ATP23: variants seen among roughly 807,000 people sequenced by gnomAD.
ATP23 encodes the protein mitochondrial inner membrane protease ATP23 homolog.
Under a neutral mutation model 28.5 loss-of-function variants are expected in ATP23, and 24 were observed. That is an observed-to-expected ratio of 0.84 (90% CI 0.61 to 1.18). The LOEUF is 1.18. ATP23 is among the 50% of genes most tolerant of loss of function. The pLI, the probability that ATP23 is intolerant of heterozygous loss-of-function variation, is 0.00. For missense variants in ATP23, 274 were observed against 306.4 expected (o/e 0.89, Z 0.79); for synonymous variants, 99 against 108.6 (o/e 0.91, Z 0.55).
rs920823355 is a variant in ATP23, at chr12:57,957,618, C to G, written c.*728C>G. On this transcript the variant is annotated 3_prime_UTR_variant, in exon 6 of 6. Transcript: ENST00000300145. ...CCCTCCTCTCCCACACACACCCCCCCACTGGAGAAACTGAAGGTCTGTTTG... is the reference window on the plus strand; with the variant it reads ...CCCTCCTCTCCCACACACACCCCCCGACTGGAGAAACTGAAGGTCTGTTTG... Among the ~76,000 whole-genome samples the G allele has an allele frequency of 2.6e-5, 4 of 152,304 alleles. No homozygotes were observed. The South Asian group carries it at 6.2e-4, about 24-fold the overall frequency.
intron 3 of ATP23, among the ~76,000 whole-genome samples, chr12:57,947,861 T>C (rs1956777353): frequency 6.6e-6 from 1 of 152,228 alleles, no homozygotes; most frequent in South Asian, 2.1e-4. Context: ...TAAATGATGG[T>C]GTTATAAGTA....
chr12:57,954,331 AC>A (rs1310912494), intron 5 of ATP23, among the ~76,000 whole-genome samples: 2 of 152,154 alleles, frequency 1.3e-5, no homozygotes, highest in African/African-American at 4.8e-5. Flanking sequence ...TTTTGAATCT[AC>A]CATAGCATTC....
In ATP23 at chr12:57,957,735, A is replaced by T. The variant is rs1956882528; in HGVS notation, c.*845A>T. ...GAGCAAGCAGCAGGAAGGCCCAGGG[A>T]GCTCGCTGGGTCCCCAAGCAGCCCA... is the stretch of plus-strand genomic sequence containing the variant. On this transcript the variant is annotated 3_prime_UTR_variant, in exon 6 of 6. Coordinates refer to ENST00000300145, the MANE Select transcript of ATP23 (RefSeq NM_033276.4). Among the ~76,000 whole-genome samples, 1 of 152,208 alleles carries T rather than the reference A, an allele frequency of 6.6e-6. No homozygotes were observed. Among genetic ancestry groups the T allele is most frequent in the African/African-American group, 2.4e-5 (1 of 41,446 alleles).
At position 57,941,833 on chromosome 12, in the gene ATP23, C is replaced by T; in HGVS notation, c.132C>T (p.Ser44=). 1 of 1,612,980 alleles carries T rather than the reference C, an allele frequency of 6.2e-7. No homozygotes were observed. Among genetic ancestry groups the T allele is most frequent in the African/African-American group, 1.3e-5 (1 of 74,938 alleles). ...ATCCCCAGCAAGGGTTCTTCTCCAG[C>T]TTCTTCACCAGCAACCAGAAGTGCC... ...QGNPQQGFFS[S]FFTSNQKCQL... The change falls in exon 1 of 6, where the codon AGC becomes AGT. Residue 44 remains serine (S), a synonymous_variant. Coordinates refer to ENST00000300145, the MANE Select transcript of ATP23 (RefSeq NM_033276.4).
In ATP23 at chr12:57,953,678, C is replaced by T. The variant is rs1278122727; in HGVS notation, c.526C>T (p.Gln176Ter). ...EIFRLHFGLKQHHQTCVRDRA... is the reference protein window; with the variant it reads ...EIFRLHFGLK ...ATTCAGGTTACATTTTGGATTAAAA[C>T]AACACCACCAGGTAAAAACTAATAT... The change falls in exon 5 of 6, where the codon CAA becomes TAA. Residue 176 changes from glutamine (Q) to a stop codon, truncating the protein, a stop_gained. Transcript: ENST00000300145. LOFTEE classifies it high-confidence loss of function. The T allele has an allele frequency of 4.3e-6, 7 of 1,613,828 alleles. No homozygotes were observed. The highest frequency in any genetic ancestry group is 1.7e-5 in the Admixed American group (1 of 60,014).
chr12:57,945,941 G>T (rs944634265), intron 2 of ATP23, among the ~76,000 whole-genome samples: 3 of 150,300 alleles, frequency 2.0e-5, no homozygotes, highest in Admixed American at 2.0e-4. Context: ...TCTCGGCTCA[G>T]TGCAACCTCC....
At chr12:57,948,217 C>G (rs1221415573) in intron 3 of ATP23, among the ~76,000 whole-genome samples, 1 of 152,148 alleles carries the variant, frequency 6.6e-6, no homozygotes, top group African/African-American at 2.4e-5. Flanking sequence ...CTTGAACTTT[C>G]ATCCTAATTC....
At chr12:57,944,259 A>T (rs2140527202) in intron 1 of ATP23, among the ~76,000 whole-genome samples, 1 of 152,250 alleles carries the variant, frequency 6.6e-6, no homozygotes, top group Middle Eastern at 3.4e-3. Context: ...AGTAACCTAT[A>T]CCTGACTTTC....
intron 1 of ATP23, among the ~76,000 whole-genome samples, chr12:57,944,245 A>C (rs1217802620): frequency 6.6e-6 from 1 of 152,092 alleles, no homozygotes; most frequent in Admixed American, 6.6e-5. Flanking sequence ...CAGGTTGGTA[A>C]AGCAGTAACC....
rs562208011 is a variant in ATP23, at chr12:57,942,373, C to G, written c.187+485C>G. ...AATGGGCTTCAGAGCGTAGAAATCC[C>G]TGAAATGGTCTGTGAAATCGTGTGT... On this transcript the variant is annotated intron_variant, in intron 1 of 5. Transcript: ENST00000300145. Among the ~76,000 whole-genome samples, 64 of 151,706 alleles carry G rather than the reference C, an allele frequency of 4.2e-4. 1 individual carries two copies. Among genetic ancestry groups the G allele is most frequent in the African/African-American group, 1.5e-3 (63 of 41,356 alleles).
chr12:57,945,706 G>A (rs765757016), intron 2 of ATP23, 33 bp downstream of exon 2: 17 of 1,608,566 alleles, frequency 1.1e-5, no homozygotes, highest in African/African-American at 6.7e-5. Context: ...CTGCTCTGAG[G>A]TCTGGCTGCT....
rs763603491 is a variant in ATP23 at position 57,957,615 on chromosome 12, C to T, written c.*725C>T. Among the ~76,000 whole-genome samples the T allele has an allele frequency of 3.9e-5, 6 of 152,154 alleles. No individual in the cohort carries two copies. The highest frequency in any genetic ancestry group is 5.9e-5 in the Non-Finnish European group (4 of 68,024). On this transcript the variant is annotated 3_prime_UTR_variant, in exon 6 of 6. Transcript: ENST00000300145. ...AGACCCTCCTCTCCCACACACACCC[C>T]CCCACTGGAGAAACTGAAGGTCTGT...
rs186401512 is a variant in ATP23 at position 57,956,778 on chromosome 12, A to T, written c.629A>T (p.Glu210Val). Reference protein sequence around the residue: ...VAKKAVDEVFESCFNDHEPFG... With the variant: ...VAKKAVDEVFVSCFNDHEPFG... ...AAAAAGGCTGTTGATGAAGTTTTTG[A>T]ATCTTGTTTCAATGACCATGAACCT... The change falls in exon 6 of 6, where the codon GAA becomes GTA. Residue 210 changes from glutamate to valine, a missense_variant. Physicochemically the swap from Glu to Val is moderately radical, Grantham distance 121. Coordinates refer to ENST00000300145, the MANE Select transcript of ATP23 (RefSeq NM_033276.4). The T allele has an allele frequency of 1.7e-5, 28 of 1,614,004 alleles. No homozygotes were observed. The East Asian group carries it at 4.0e-4, about 23-fold the overall frequency.
intron 5 of ATP23, 59 bp from the exon 6 acceptor site, chr12:57,956,628 T>C: frequency 8.0e-7 from 1 of 1,244,576 alleles, no homozygotes; most frequent in Non-Finnish European, 1.1e-6. Context: ...ATAAAATGTA[T>C]TATTTCGTGA....
chr12:57,942,613 C>T (rs1956717598), intron 1 of ATP23, among the ~76,000 whole-genome samples: 1 of 152,052 alleles, frequency 6.6e-6, no homozygotes, highest in Non-Finnish European at 1.5e-5. Flanking sequence ...TTAGTAGAGA[C>T]GGGTTTTCAC....
rs561871673 is a variant in ATP23, at chr12:57,941,719, C to A, written c.18C>A (p.Asp6Glu). The change falls in exon 1 of 6, where the codon GAC becomes GAA. Residue 6 changes from aspartate to glutamate, a missense_variant. Physicochemically the swap from Asp to Glu is conservative, Grantham distance 45 (BLOSUM62 2). Transcript: ENST00000300145. Reference sequence around the variant, plus strand: ...CGGGAGGCATGGCGGGAGCTCCGGACGAGCGCCGGCGGGGCCCCGCGGCAG... The same window carrying A: ...CGGGAGGCATGGCGGGAGCTCCGGAAGAGCGCCGGCGGGGCCCCGCGGCAG... The part of the protein sequence containing the change: MAGAP[D>E]ERRRGPAAGE... The A allele has an allele frequency of 1.0e-5, 16 of 1,600,864 alleles. No individual in the cohort carries two copies. The African/African-American group carries it at 1.5e-4, about 15-fold the overall frequency.
intron 3 of ATP23, among the ~76,000 whole-genome samples, chr12:57,948,551 A>G (rs1956785363): frequency 6.6e-6 from 1 of 152,196 alleles, no homozygotes; most frequent in Non-Finnish European, 1.5e-5. Flanking sequence ...CCAAACTGCT[A>G]GGATTACAGG....
At chr12:57,942,714 C>T (rs371547994) in intron 1 of ATP23, among the ~76,000 whole-genome samples, 17 of 152,034 alleles carry the variant, frequency 1.1e-4, no homozygotes, top group Admixed American at 4.6e-4. Flanking sequence ...TGAGTCACTG[C>T]GCCCGGCCCA....
In ATP23 at chr12:57,941,870, C is replaced by T. The variant is rs764778658; in HGVS notation, c.169C>T (p.Leu57=). The T allele has an allele frequency of 1.2e-6, 2 of 1,613,420 alleles. No homozygotes were observed. Among genetic ancestry groups the T allele is most frequent in the African/African-American group, 2.7e-5 (2 of 74,862 alleles). The change falls in exon 1 of 6, where the codon CTG becomes TTG. Residue 57 remains leucine (L), a synonymous_variant. Coordinates refer to ENST00000300145, the MANE Select transcript of ATP23 (RefSeq NM_033276.4). ...CAACCAGAAGTGCCAGCTTAGGCTCCTGAAGACGCTGGAGACAAGTAGGAG... is the reference window on the plus strand; with the variant it reads ...CAACCAGAAGTGCCAGCTTAGGCTCTTGAAGACGCTGGAGACAAGTAGGAG... ...TSNQKCQLRL[L]KTLETNPYVK... is the part of the protein sequence containing the mutation.
Sources: allele counts gnomAD v4.1 joint callset (sites outside exome capture counted in the v4.1 genomes callset), GRCh38; gene constraint gnomAD v4.1.1; transcripts MANE v1.5; gene names NCBI Gene and HGNC (gene_info 2026-07-23, HGNC 2026-07-21).